RETREG1: variants seen among roughly 807,000 people sequenced by gnomAD.
RETREG1 encodes family with sequence similarity 134 member B.
A neutral mutation model predicts 54.8 loss-of-function variants in RETREG1; 44 were observed. The ratio of observed to expected loss-of-function variants is 0.80; its 90% confidence interval spans 0.63 to 1.03. The LOEUF is 1.03. Ranked by LOEUF, RETREG1 falls within the 50% of genes least tolerant of loss-of-function variation. The probability of loss-of-function intolerance (pLI) is 0.00; values close to 1 mark genes in which losing one functional copy is unlikely to be tolerated. For synonymous variants in RETREG1, 217 were observed against 238.5 expected, an observed-to-expected ratio of 0.91 and a Z score of 0.83; for missense variants, 554 against 605.1, an observed-to-expected ratio of 0.92 and a Z score of 0.89.
chr5:16,537,789 T>C (rs73755936), intron 3 of RETREG1, among the ~76,000 whole-genome samples: 1 of 110,468 alleles, frequency 9.1e-6, no homozygotes, highest in African/African-American at 4.1e-5. Flanking sequence ...GCATGCAGCA[T>C]GCAGCACAGC....
intron 3 of RETREG1, among the ~76,000 whole-genome samples, chr5:16,540,846 T>C (rs1375399933): frequency 1.2e-4 from 18 of 152,192 alleles, no homozygotes; most frequent in Non-Finnish European, 2.5e-4. Context: ...CTCCCATGCA[T>C]CTTTTCCACT....
At chr5:16,611,044 G>A (rs1158317685) in intron 1 of RETREG1, among the ~76,000 whole-genome samples, 1 of 152,112 alleles carries the variant, frequency 6.6e-6, no homozygotes, top group East Asian at 1.9e-4. Flanking sequence ...AAGAAAATGT[G>A]GCACATATTC....
chr5:16,486,879 G>A (rs901560312), intron 3 of RETREG1, among the ~76,000 whole-genome samples: 1 of 152,194 alleles, frequency 6.6e-6, no homozygotes, highest in African/African-American at 2.4e-5. Context: ...TCTACGCTTA[G>A]TGGTTGGTTG....
chr5:16,576,734 G>A (rs1368249778), intron 1 of RETREG1, among the ~76,000 whole-genome samples: 3 of 151,888 alleles, frequency 2.0e-5, no homozygotes, highest in Non-Finnish European at 2.9e-5. Flanking sequence ...CACCTGCCTC[G>A]GCCTCCCGAA....
chr5:16,479,631 T>A (rs1738684874), intron 5 of RETREG1, among the ~76,000 whole-genome samples: 1 of 152,118 alleles, frequency 6.6e-6, no homozygotes, highest in African/African-American at 2.4e-5. Flanking sequence ...TGACTTCTTT[T>A]GGGGAGAATG....
chr5:16,599,846 T>C (rs1337191414), intron 1 of RETREG1, among the ~76,000 whole-genome samples: 3 of 152,150 alleles, frequency 2.0e-5, no homozygotes, highest in Middle Eastern at 3.4e-3. Context: ...AGTGGGGATA[T>C]CAACAAACAT....
intron 3 of RETREG1, among the ~76,000 whole-genome samples, chr5:16,541,739 GGGAAGGAAGGAAGGAA>G (rs59287809): frequency 0.088 from 8,971 of 102,222 alleles, 419 homozygotes; most frequent in African/African-American, 0.11. Context: ...GAGGGAGGGA[GGGAAGGAAGGAAGGAA>G]GGAAGGAAGG....
chr5:16,588,964 G>A (rs1156259648), intron 1 of RETREG1, among the ~76,000 whole-genome samples: 1 of 152,182 alleles, frequency 6.6e-6, no homozygotes, highest in Admixed American at 6.5e-5. Flanking sequence ...AGGATCAAGT[G>A]CCCTTTATCA....
rs573257019 is a variant in RETREG1, at chr5:16,574,779, C to T, written c.321-2677G>A. Among the ~76,000 whole-genome samples, 7 of 152,284 alleles carry T rather than the reference C, an allele frequency of 4.6e-5. No individual in the cohort carries two copies. The East Asian group carries it at 1.3e-3, about 29-fold the overall frequency. On this transcript the variant is annotated intron_variant, in intron 1 of 8. Coordinates refer to ENST00000306320, the MANE Select transcript of RETREG1 (RefSeq NM_001034850.3). ...AATATTTATTGATTGCCTAATTGCACCAAGCACTGTGCTACCAAAAGGGAG... is the reference window on the plus strand; with the variant it reads ...AATATTTATTGATTGCCTAATTGCATCAAGCACTGTGCTACCAAAAGGGAG...
At position 16,616,773 on chromosome 5, in the gene RETREG1, C is replaced by A; in HGVS notation, c.199G>T (p.Ala67Ser). The change falls in exon 1 of 9, where the codon GCG becomes TCG. Residue 67 changes from alanine (A) to serine (S), a missense_variant. By Grantham distance (99) the Ala-to-Ser change is moderately conservative. Around this residue, in one of 4 missense-constraint regions of RETREG1, gnomAD observed 175 missense variants for 142.1 expected, o/e 1.23. Transcript: ENST00000306320. ...VEEAAGRAAA[A>S]VTWLLGEPVL... ...GGCTCCCCGAGCAGCCAGGTTACCG[C>A]GGCCGCCGCCCGGCCCGCGGCCTCC... 6.5e-7 allele frequency: 1 copy of A among 1,540,578 alleles called. No individual in the cohort carries two copies. The highest frequency in any genetic ancestry group is 8.7e-7 in the Non-Finnish European group (1 of 1,150,850).
rs909827415 is a variant in RETREG1 at position 16,474,914 on chromosome 5, G to A, written c.1321C>T (p.Pro441Ser). 5 of 1,613,612 alleles carry A rather than the reference G, an allele frequency of 3.1e-6. No individual in the cohort carries two copies. Among genetic ancestry groups the A allele is most frequent in the South Asian group, 1.1e-5 (1 of 91,066 alleles). ...GVQQALSQAAPIPEEDTDTEE... is the reference protein window; with the variant it reads ...GVQQALSQAASIPEEDTDTEE... ...GTGTCTGTGTCCTCTTCTGGGATGG[G>A]GGCAGCCTGAGAAAGTGCTTGCTGC... The change falls in exon 9 of 9, where the codon CCC (proline) becomes TCC (serine). Residue 441 changes from proline to serine, a missense_variant. By Grantham distance (74) the Pro-to-Ser change is moderately conservative. Around this residue, in one of 4 missense-constraint regions of RETREG1, gnomAD observed 347 missense variants for 412.3 expected, o/e 0.84. Transcript: ENST00000306320.
chr5:16,605,466 C>A (rs1176854227), intron 1 of RETREG1, among the ~76,000 whole-genome samples: 3 of 152,188 alleles, frequency 2.0e-5, no homozygotes, highest in Non-Finnish European at 4.4e-5. Flanking sequence ...CCCACCCAGG[C>A]ATCTCCAGGC....
chr5:16,498,950 AT>A (rs917930848), intron 3 of RETREG1, among the ~76,000 whole-genome samples: 4 of 151,908 alleles, frequency 2.6e-5, no homozygotes, highest in Non-Finnish European at 5.9e-5. Context: ...AAACTTTTCC[AT>A]TTTTTTAAAG....
intron 3 of RETREG1, chr5:16,508,607 A>G (rs1740055722): frequency 6.2e-7 from 1 of 1,614,100 alleles, no homozygotes; most frequent in Admixed American, 1.7e-5. Context: ...CTTCACCTTC[A>G]GGCATTTCTG....
chr5:16,500,787 C>G (rs997266786), intron 3 of RETREG1, among the ~76,000 whole-genome samples: 5 of 152,008 alleles, frequency 3.3e-5, no homozygotes, highest in Admixed American at 1.3e-4. Flanking sequence ...TAAAGCAATC[C>G]TAGGAAGGGT....
At chr5:16,590,302 G>A (rs1304864895) in intron 1 of RETREG1, among the ~76,000 whole-genome samples, 2 of 152,142 alleles carry the variant, frequency 1.3e-5, no homozygotes, top group Admixed American at 1.3e-4. Flanking sequence ...CACGACAGCA[G>A]CGCCTGCGGT....
In RETREG1 at chr5:16,489,070, G is replaced by A. The variant is rs539779954; in HGVS notation, c.459-5598C>T. Among the ~76,000 whole-genome samples, 15 of 104,518 alleles carry A rather than the reference G, an allele frequency of 1.4e-4. No homozygotes were observed. In the East Asian group the frequency reaches 2.9e-3, roughly 20 times the overall value. The allele number at this position is 104,518 out of a possible 152,430, so 68.6% of individuals were successfully genotyped here. On this transcript the variant is annotated intron_variant, in intron 3 of 8. Coordinates refer to ENST00000306320, the MANE Select transcript of RETREG1 (RefSeq NM_001034850.3). The stretch of plus-strand genomic sequence containing the variant: ...TGCACTCCAGCCTGGGCAACAGAGC[G>A]AGATTCTGTCTCAAAAAAAAAAAAA...
At chr5:16,488,854 G>T (rs1739127295) in intron 3 of RETREG1, among the ~76,000 whole-genome samples, 1 of 152,068 alleles carries the variant, frequency 6.6e-6, no homozygotes, top group Admixed American at 6.5e-5. Flanking sequence ...GGAGGCCGAG[G>T]TGGGCAGATC....
chr5:16,616,982 G>A lies in RETREG1; in HGVS notation c.-11C>T, dbSNP rs1276100333. On this transcript the variant is annotated 5_prime_UTR_variant, in exon 1 of 9. Coordinates refer to ENST00000306320, the MANE Select transcript of RETREG1 (RefSeq NM_001034850.3). Reference sequence around the variant, plus strand: ...CGCCGGGCTCGCCATCTTCAGCTGTGCTTCCAGACAGGGACGGGGCCGGGC... The same window carrying A: ...CGCCGGGCTCGCCATCTTCAGCTGTACTTCCAGACAGGGACGGGGCCGGGC... The A allele has an allele frequency of 7.2e-6, 10 of 1,389,520 alleles. No homozygotes were observed. The highest frequency in any genetic ancestry group is 9.3e-7 in the Non-Finnish European group (1 of 1,074,082). 86.1% of individuals were successfully genotyped at this position (1,389,520 alleles called of 1,614,324 possible). A position where few individuals can be genotyped will look rare whatever the true frequency, so the allele number is the denominator to read the frequency against.
Sources: allele counts gnomAD v4.1 joint callset (sites outside exome capture counted in the v4.1 genomes callset), GRCh38; gene constraint gnomAD v4.1.1; regional missense constraint gnomAD v4.1.1; transcripts MANE v1.5; gene names NCBI Gene and HGNC (gene_info 2026-07-23, HGNC 2026-07-21).